The following LAMB4 variants were observed in gnomAD, a reference collection of about 807,000 sequenced individuals.
LAMB4 encodes laminin subunit beta 4, also known as laminin subunit beta-4.
In LAMB4, 196 loss-of-function variants were observed where a neutral mutation model predicts 199.2. That is an observed-to-expected ratio of 0.98 (90% CI 0.88 to 1.11). The LOEUF is 1.11. Among genes scored for constraint, LAMB4 ranks in the 50% least tolerant of loss-of-function variants. LAMB4 has a pLI of 0.00. For missense variants in LAMB4, 2,080 were observed against 2,171.2 expected, an observed-to-expected ratio of 0.96 and a Z score of 0.83; for synonymous variants, 744 against 770.6, an observed-to-expected ratio of 0.97 and a Z score of 0.57.
chr7:108,014,169 T>C, the LAMB4 span, among the ~76,000 whole-genome samples: 11 of 152,216 alleles, frequency 7.2e-5, no homozygotes, highest in Admixed American at 2.0e-4. Context: ...GATAGTTTCT[T>C]GTGGATGTAT....
chr7:108,012,192 A>C, the LAMB4 span, among the ~76,000 whole-genome samples: 1 of 152,006 alleles, frequency 6.6e-6, no homozygotes, highest in South Asian at 2.1e-4. Flanking sequence ...CACATGAATA[A>C]AGTTCTAGAA....
chr7:108,120,664 G>A (rs945496715), intron 2 of LAMB4, among the ~76,000 whole-genome samples: 3 of 152,200 alleles, frequency 2.0e-5, no homozygotes, highest in Non-Finnish European at 2.9e-5. Context: ...AGGATAAATA[G>A]CTATTCAGAA....
At chr7:108,126,656 C>T (rs1296055950) in intron 1 of LAMB4, among the ~76,000 whole-genome samples, 2 of 148,494 alleles carry the variant, frequency 1.3e-5, no homozygotes. Context: ...GCTCCGCTTC[C>T]CGGGTTCACG....
At chr7:108,088,495 A>AC (rs1423776709) in intron 14 of LAMB4, among the ~76,000 whole-genome samples, 1 of 152,170 alleles carries the variant, frequency 6.6e-6, no homozygotes, top group Non-Finnish European at 1.5e-5. Context: ...CAGTTTAAGT[A>AC]CCCATCAGAA....
intron 21 of LAMB4, among the ~76,000 whole-genome samples, chr7:108,064,213 G>A (rs1184255298): frequency 6.6e-6 from 1 of 152,130 alleles, no homozygotes; most frequent in African/African-American, 2.4e-5. Context: ...GTTTGGTGGA[G>A]AATGGATTCC....
Position 108,079,477 on chromosome 7 carries a change from C to T in LAMB4, c.1887+124G>A, listed in dbSNP as rs550708970. The T allele has an allele frequency of 5.0e-5, 41 of 820,948 alleles. No homozygotes were observed. The African/African-American group carries it at 6.7e-4, about 14-fold the overall frequency. 50.9% of individuals were successfully genotyped at this position (820,948 alleles called of 1,614,324 possible). On this transcript the variant is annotated intron_variant, in intron 15 of 33. Transcript: ENST00000388781. The stretch of plus-strand genomic sequence containing the variant: ...GGAAACCCTTGGTTTATAATGCTCC[C>T]CAGATGTTCACTTTTTACAAATCCT...
rs1359773954 is a variant in LAMB4, at chr7:108,034,261, T to C, written c.4765A>G (p.Thr1589Ala). ...ATATTGGCAGTCAGCTGTGTAATGG[T>C]AGAGTTTGCCCGTCCTTGAGTGATT... ...AQITQGRANS[T>A]ITQLTANITK... Residue 1589 changes from threonine to alanine, a missense_variant, in exon 31 of 34, where the codon ACC becomes GCC. Coordinates refer to ENST00000388781, the MANE Select transcript of LAMB4 (RefSeq NM_007356.3). The C allele has an allele frequency of 6.2e-7, 1 of 1,613,918 alleles. No individual in the cohort carries two copies. Among genetic ancestry groups the C allele is most frequent in the African/African-American group, 1.3e-5 (1 of 74,910 alleles).
intron 14 of LAMB4, among the ~76,000 whole-genome samples, chr7:108,090,862 C>G (rs899819164): frequency 1.3e-5 from 2 of 152,168 alleles, no homozygotes; most frequent in South Asian, 4.1e-4. Context: ...GTAGGGACAA[C>G]GAAAATCTCC....
chr7:108,108,088 A>G (rs189997412), intron 5 of LAMB4, among the ~76,000 whole-genome samples: 3 of 152,132 alleles, frequency 2.0e-5, no homozygotes, highest in Admixed American at 1.3e-4. Flanking sequence ...CTAGAGGTGC[A>G]TGCCACCATG....
chr7:108,052,236 A>G lies in LAMB4; in HGVS notation c.3777T>C (p.Asn1259=), dbSNP rs149493645. The change falls in exon 26 of 34, where the codon AAT becomes AAC. Residue 1259 remains asparagine, a synonymous_variant. Coordinates refer to ENST00000388781, the MANE Select transcript of LAMB4 (RefSeq NM_007356.3). ...ATTCATACACTGCTTTCAGTTGTTCATTTAGCTGCATGATTTGTCTTCTAT... is the reference window on the plus strand; with the variant it reads ...ATTCATACACTGCTTTCAGTTGTTCGTTTAGCTGCATGATTTGTCTTCTAT... ...DSVRRQIMQL[N]EQLKAVYEFQ... The G allele has an allele frequency of 0.013, 21,647 of 1,603,732 alleles. 194 individuals carry two copies. Among genetic ancestry groups the G allele is most frequent in the Non-Finnish European group, 0.016 (19,026 of 1,174,476 alleles).
intron 26 of LAMB4, among the ~76,000 whole-genome samples, chr7:108,049,775 T>G (rs998857782): frequency 3.3e-5 from 5 of 152,210 alleles, no homozygotes; most frequent in Non-Finnish European, 7.3e-5. Flanking sequence ...GAGTCCTGGC[T>G]TCACCCTTTA....
rs767138972 is a variant in LAMB4, at chr7:108,091,641, T to C, written c.1686A>G (p.Gln562=). 3.7e-6 allele frequency: 6 copies of C among 1,613,552 alleles called. 1 individual carries two copies. In the South Asian group the frequency reaches 5.5e-5, roughly 15 times the overall value. The change falls in exon 14 of 34, where the codon CAA becomes CAG. Residue 562 remains glutamine (Q), a synonymous_variant. Transcript: ENST00000388781. ...LYEAEEATTL[Q]GLAPLGSETF... The stretch of plus-strand genomic sequence containing the variant: ...AAATACGAACCAAAGGCGCCAGTCC[T>C]TGGAGTGTTGTGGCTTCCTCTGCCT...
intron 26 of LAMB4, among the ~76,000 whole-genome samples, chr7:108,050,627 CTATAGAACCA>C (rs992480116): frequency 3.3e-5 from 5 of 152,260 alleles, no homozygotes; most frequent in Non-Finnish European, 7.4e-5. Context: ...TCTTTACTCC[CTATAGAACCA>C]TAATCCAGGC....
chr7:108,072,622 C>T (rs1014951123), intron 17 of LAMB4, among the ~76,000 whole-genome samples: 1 of 152,108 alleles, frequency 6.6e-6, no homozygotes, highest in African/African-American at 2.4e-5. Context: ...TCACGGTTCC[C>T]AGGACCTCTA....
intron 31 of LAMB4, among the ~76,000 whole-genome samples, chr7:108,031,437 A>G (rs964715542): frequency 2.9e-4 from 44 of 151,476 alleles, no homozygotes; most frequent in Middle Eastern, 3.5e-3. Context: ...TCCACCAGCC[A>G]GTTTAAGAAT....
chr7:108,105,654 G>C (rs2037976977), intron 8 of LAMB4, among the ~76,000 whole-genome samples, 163 bp downstream of exon 8: 1 of 152,122 alleles, frequency 6.6e-6, no homozygotes, highest in South Asian at 2.1e-4. Context: ...GGAACTGGAG[G>C]GCCCTAGGTG....
At chr7:108,030,751 T>G in intron 32 of LAMB4, 55 bp downstream of exon 32, 2 of 1,548,958 alleles carry the variant, frequency 1.3e-6, no homozygotes, top group Non-Finnish European at 1.8e-6. Flanking sequence ...TAAAGAACTA[T>G]CTTTCAAAGA....
intron 1 of LAMB4, among the ~76,000 whole-genome samples, chr7:108,123,789 AC>A (rs775126162): frequency 1.6e-4 from 25 of 152,208 alleles, no homozygotes; most frequent in Non-Finnish European, 2.5e-4. Flanking sequence ...ATCTTTCTGT[AC>A]TAACAAATGC....
At chr7:108,011,713 T>TC in the LAMB4 span, among the ~76,000 whole-genome samples, 1 of 78,428 alleles carries the variant, frequency 1.3e-5, no homozygotes, top group African/African-American at 7.4e-5. Context: ...GCCACTGCAC[T>TC]CGGCCCACTC....
Sources: gnomAD v4.1 joint callset for allele counts (sites outside exome capture counted in the v4.1 genomes callset) on GRCh38, gnomAD v4.1.1 for gene constraint, MANE v1.5 for transcripts, NCBI Gene and HGNC (gene_info 2026-07-23, HGNC 2026-07-21) for gene names.